Variants in UBA3 observed in about 807,000 individuals in gnomAD.
UBA3 encodes ubiquitin like modifier activating enzyme 3.
In UBA3, 26 loss-of-function variants were observed where a neutral mutation model predicts 73.5. The observed-to-expected ratio is 0.35, with a 90% CI of 0.26 to 0.49. UBA3 has a LOEUF of 0.49. UBA3 is among the 20% of genes least tolerant of loss of function. The probability of loss-of-function intolerance (pLI) is 0.98; values close to 1 mark genes in which losing one functional copy is unlikely to be tolerated. For synonymous variants in UBA3, 217 were observed against 191.2 expected, an observed-to-expected ratio of 1.13 and a Z score of -1.11; for missense variants, 495 against 555.6, an observed-to-expected ratio of 0.89 and a Z score of 1.10.
intron 9 of UBA3, 111 bp downstream of exon 9, chr3:69,062,870 TA>T: frequency 7.5e-7 from 1 of 1,340,906 alleles, no homozygotes; most frequent in Non-Finnish European, 1.0e-6. Context: ...GTGTAATTTT[TA>T]AAATACGGCC....
chr3:69,079,969 G>C (rs902120664), intron 2 of UBA3, 143 bp downstream of exon 2: 2 of 699,508 alleles, frequency 2.9e-6, no homozygotes, highest in African/African-American at 3.8e-5. Context: ...TGCGGGGCGG[G>C]GATCAGGGGA....
chr3:69,067,802 G>A, intron 6 of UBA3, 126 bp downstream of exon 6: 1 of 589,962 alleles, frequency 1.7e-6, no homozygotes, highest in Non-Finnish European at 3.0e-6. Flanking sequence ...AGTTATCTCA[G>A]TAATAAAGTT....
intron 11 of UBA3, among the ~76,000 whole-genome samples, chr3:69,058,146 G>A (rs1480533688): frequency 6.6e-6 from 1 of 151,932 alleles, no homozygotes; most frequent in African/African-American, 2.4e-5. Flanking sequence ...TAGCCACGAT[G>A]GTCTCGATAT....
intron 5 of UBA3, among the ~76,000 whole-genome samples, chr3:69,068,500 G>GA (rs1226185032): frequency 2.1e-4 from 9 of 42,848 alleles, no homozygotes; most frequent in Non-Finnish European, 2.4e-4. Context: ...GCATGAAAAA[G>GA]AAAAAAAAAG....
intron 11 of UBA3, among the ~76,000 whole-genome samples, chr3:69,059,787 CTGGTAATGATCT>C (rs751633196): frequency 1.3e-5 from 2 of 151,866 alleles, no homozygotes; most frequent in African/African-American, 4.8e-5. Context: ...TCTGGTGAAC[CTGGTAATGATCT>C]TGGGCAAAAT....
At chr3:69,068,995 T>C (rs1009383647) in intron 5 of UBA3, among the ~76,000 whole-genome samples, 10 of 152,206 alleles carry the variant, frequency 6.6e-5, no homozygotes, top group Non-Finnish European at 5.9e-5. Context: ...ACCACACATA[T>C]AGATAGGAAA....
At chr3:69,056,756 A>G (rs1258555764) in intron 13 of UBA3, 23 bp downstream of exon 13, 5 of 1,612,210 alleles carry the variant, frequency 3.1e-6, no homozygotes, top group Non-Finnish European at 2.5e-6. Context: ...ATTTACATGC[A>G]TATTAAAAAT....
chr3:69,065,234 C>A (rs1333971336), intron 6 of UBA3, among the ~76,000 whole-genome samples: 1 of 151,938 alleles, frequency 6.6e-6, no homozygotes, highest in Non-Finnish European at 1.5e-5. Flanking sequence ...CCCCACTAAC[C>A]AACCCACCCC....
At chr3:69,064,621 G>A in intron 6 of UBA3, among the ~76,000 whole-genome samples, 1 of 152,160 alleles carries the variant, frequency 6.6e-6, no homozygotes, top group East Asian at 1.9e-4. Flanking sequence ...TTGTGGGGAG[G>A]AGAAAAAGTA....
intron 1 of UBA3, 68 bp from the exon 2 acceptor site, chr3:69,080,221 G>A (rs990281767): frequency 6.8e-7 from 1 of 1,474,518 alleles, no homozygotes. Flanking sequence ...GGAGGGGGGC[G>A]AGGGGACGGG....
chr3:69,078,053 T>C, intron 2 of UBA3, 135 bp from the exon 3 acceptor site: 1 of 1,176,504 alleles, frequency 8.5e-7, no homozygotes, highest in Non-Finnish European at 1.2e-6. Context: ...TTCAATGTGA[T>C]TATGTTTATG....
intron 4 of UBA3, among the ~76,000 whole-genome samples, chr3:69,073,636 C>CTT (rs554961674): frequency 1.7e-4 from 24 of 140,776 alleles, no homozygotes; most frequent in African/African-American, 4.1e-4. Flanking sequence ...ATATTAGTAT[C>CTT]TTTTTTTTTT....
intron 6 of UBA3, among the ~76,000 whole-genome samples, chr3:69,064,757 A>T (rs1301090139): frequency 6.6e-6 from 1 of 152,200 alleles, no homozygotes; most frequent in Non-Finnish European, 1.5e-5. Flanking sequence ...GGGTGAGTCA[A>T]TATAGCACTT....
At position 69,077,825 on chromosome 3, in the gene UBA3, T is replaced by C. The variant is rs150939785; in HGVS notation, c.156A>G (p.Thr52=). ...KKFLERSGPF[T]HPDFEPSTES... is the part of the protein sequence containing the mutation. ...CAGTGCTCGGTTCGAAATCAGGGTG[T>C]GTGAAGGGTCCAGATCGCTCGAGGA... The change falls in exon 3 of 18, where the codon ACA becomes ACG. Residue 52 remains threonine, a synonymous_variant. Transcript: ENST00000361055. 18 of 1,613,872 alleles carry C rather than the reference T, an allele frequency of 1.1e-5. No individual in the cohort carries two copies. The highest frequency in any genetic ancestry group is 1.4e-5 in the Non-Finnish European group (17 of 1,179,848).
chr3:69,066,834 C>G (rs984774521), intron 6 of UBA3, among the ~76,000 whole-genome samples: 3 of 152,126 alleles, frequency 2.0e-5, no homozygotes, highest in African/African-American at 7.2e-5. Flanking sequence ...TGCTCCAGTA[C>G]GATTTGTTGA....
chr3:69,059,680 T>A (rs2092005986), intron 11 of UBA3, among the ~76,000 whole-genome samples: 1 of 151,996 alleles, frequency 6.6e-6, no homozygotes, highest in African/African-American at 2.4e-5. Context: ...GGAGTAAGTA[T>A]AAATGGAATT....
chr3:69,069,333 T>G (rs1475586160), intron 5 of UBA3, among the ~76,000 whole-genome samples: 1 of 152,208 alleles, frequency 6.6e-6, no homozygotes, highest in Non-Finnish European at 1.5e-5. Context: ...CTTTTCTTTT[T>G]TTTTGTTTGT....
At position 69,061,944 on chromosome 3, in the gene UBA3, AG is replaced by A; in HGVS notation, c.797-18del. On this transcript the variant is annotated intron_variant, in intron 10 of 17. Coordinates refer to ENST00000361055, the MANE Select transcript of UBA3 (RefSeq NM_003968.4). ...GAACCCCTTCTGTTTAAAAAAAAAA[AG>A]GGAGAGAGAGAGAGAGAGAAGACAG... 7.0e-7 allele frequency: 1 copy of A among 1,436,258 alleles called. No homozygotes were observed. 89.0% of individuals were successfully genotyped at this position (1,436,258 alleles called of 1,614,324 possible).
chr3:69,076,282 TA>T (rs2092165965), intron 3 of UBA3: 1 of 152,276 alleles, frequency 6.6e-6, no homozygotes, highest in Non-Finnish European at 1.5e-5. Flanking sequence ...CTCACACCTG[TA>T]ATCCCAGCAC....
Sources: allele counts gnomAD v4.1 joint callset (sites outside exome capture counted in the v4.1 genomes callset), GRCh38; gene constraint gnomAD v4.1.1; transcripts MANE v1.5; gene names NCBI Gene and HGNC (gene_info 2026-07-23, HGNC 2026-07-21).